Variants in TBC1D8 observed in about 807,000 individuals in gnomAD.
The protein encoded by TBC1D8 is BUB2-like protein 1.
Under a neutral mutation model 118.8 loss-of-function variants are expected in TBC1D8, and 65 were observed. That is an observed-to-expected ratio of 0.55 (90% CI 0.45 to 0.67). TBC1D8 has a LOEUF of 0.67. Among genes scored for constraint, TBC1D8 ranks in the 30% least tolerant of loss-of-function variants. The probability of loss-of-function intolerance (pLI) is 0.00; values close to 1 mark genes in which losing one functional copy is unlikely to be tolerated. For synonymous variants in TBC1D8, 566 were observed against 595.8 expected, an observed-to-expected ratio of 0.95 and a Z score of 0.73; for missense variants, 1,376 against 1,471.2, an observed-to-expected ratio of 0.94 and a Z score of 1.06.
intron 1 of TBC1D8, among the ~76,000 whole-genome samples, chr2:101,109,048 G>C (rs1052281870): frequency 1.3e-5 from 2 of 152,186 alleles, no homozygotes; most frequent in Non-Finnish European, 2.9e-5. Flanking sequence ...GAAGTGTCAA[G>C]GAAAATCAAG....
intron 1 of TBC1D8, among the ~76,000 whole-genome samples, chr2:101,138,695 T>C (rs1678967416): frequency 6.6e-6 from 1 of 152,120 alleles, no homozygotes; most frequent in Non-Finnish European, 1.5e-5. Context: ...CGGGGTGTAC[T>C]GGAGGGGACG....
At chr2:101,016,992 G>A (rs1679696803) in intron 17 of TBC1D8, among the ~76,000 whole-genome samples, 1 of 151,786 alleles carries the variant, frequency 6.6e-6, no homozygotes, top group Non-Finnish European at 1.5e-5. Flanking sequence ...GAGTTAATGG[G>A]TGCAGCACAC....
At chr2:101,018,282 A>T (rs941793111) in intron 17 of TBC1D8, 1 of 197,238 alleles carries the variant, frequency 5.1e-6, no homozygotes, top group Non-Finnish European at 1.0e-5. Flanking sequence ...TTCATATTTT[A>T]TCAGTATGTG....
At position 101,008,137 on chromosome 2, in the gene TBC1D8, C is replaced by T; in HGVS notation, c.3152G>A (p.Ser1051Asn). 1.2e-6 allele frequency: 2 copies of T among 1,613,872 alleles called. No individual in the cohort carries two copies. The highest frequency in any genetic ancestry group is 1.6e-4 in the Middle Eastern group (1 of 6,062). ...ACACTCCTGGGAGCAGCTTCCAGAG[C>T]TGCTGCCTCGCTGCCCCACCTCCCC... is the stretch of plus-strand genomic sequence containing the variant. ...QIGEVGQRGS[S>N]SGSCSQECGE... The change falls in exon 20 of 20, where the codon AGC (serine) becomes AAC (asparagine). Residue 1051 changes from serine (S) to asparagine (N), a missense_variant. By Grantham distance (46) the Ser-to-Asn change is conservative (BLOSUM62 1). Coordinates refer to ENST00000409318, the MANE Select transcript of TBC1D8 (RefSeq NM_001330348.2).
chr2:101,102,536 C>T (rs563545882), intron 1 of TBC1D8, among the ~76,000 whole-genome samples: 1 of 139,422 alleles, frequency 7.2e-6, no homozygotes, highest in Admixed American at 7.5e-5. Flanking sequence ...GGATTAAAAA[C>T]CAAAAAAAAA....
intron 18 of TBC1D8, 90 bp from the exon 19 acceptor site, chr2:101,011,116 G>A: frequency 8.0e-7 from 1 of 1,253,102 alleles, no homozygotes; most frequent in Non-Finnish European, 1.1e-6. Context: ...GAGCAAGGGG[G>A]TGAGGAATTC....
chr2:101,054,298 C>A lies in TBC1D8; in HGVS notation c.441G>T (p.Glu147Asp). ...GGAATTTCTCGGGTTCCTCCTCCTG[C>A]TCGGCGAGCCTGCTGCTGGTCTCCT... is the stretch of plus-strand genomic sequence containing the variant. Reference protein sequence around the residue: ...IAEETSSRLAEQEEEPEKFRE... With the variant: ...IAEETSSRLADQEEEPEKFRE... The change falls in exon 4 of 20, where the codon GAG becomes GAT. Residue 147 changes from glutamate to aspartate, a missense_variant. Physicochemically the swap from Glu to Asp is conservative, Grantham distance 45. Coordinates refer to ENST00000409318, the MANE Select transcript of TBC1D8 (RefSeq NM_001330348.2). 1 of 1,576,634 alleles carries A rather than the reference C, an allele frequency of 6.3e-7. No individual in the cohort carries two copies. The highest frequency in any genetic ancestry group is 8.6e-7 in the Non-Finnish European group (1 of 1,160,666).
intron 19 of TBC1D8, among the ~76,000 whole-genome samples, chr2:101,010,531 A>G (rs574478162): frequency 2.6e-5 from 4 of 152,176 alleles, no homozygotes; most frequent in Non-Finnish European, 5.9e-5. Context: ...ATGTTCCGCT[A>G]CCTGGACTTT....
At chr2:101,010,272 C>T in intron 19 of TBC1D8, among the ~76,000 whole-genome samples, 1 of 152,156 alleles carries the variant, frequency 6.6e-6, no homozygotes, top group East Asian at 1.9e-4. Flanking sequence ...GTGTATCATG[C>T]AGCCAGTGAT....
chr2:101,092,525 TCTTA>T (rs1676109010), intron 1 of TBC1D8, among the ~76,000 whole-genome samples: 1 of 152,224 alleles, frequency 6.6e-6, no homozygotes, highest in African/African-American at 2.4e-5. Flanking sequence ...TTCATTATTC[TCTTA>T]CTTATATCAG....
intron 2 of TBC1D8, among the ~76,000 whole-genome samples, chr2:101,085,836 G>C (rs1441262322): frequency 6.6e-6 from 1 of 152,096 alleles, no homozygotes; most frequent in African/African-American, 2.4e-5. Flanking sequence ...AAAATGAATT[G>C]AGGATCAAAA....
At chr2:101,127,291 C>T (rs913200454) in intron 1 of TBC1D8, among the ~76,000 whole-genome samples, 2 of 151,500 alleles carry the variant, frequency 1.3e-5, no homozygotes, top group Non-Finnish European at 2.9e-5. Context: ...AGCCAAGATC[C>T]CACCACTGCA....
chr2:101,121,728 A>C (rs114558204), intron 1 of TBC1D8, among the ~76,000 whole-genome samples: 1 of 152,232 alleles, frequency 6.6e-6, no homozygotes, highest in Non-Finnish European at 1.5e-5. Context: ...CTATTATTCC[A>C]GTAAGTGAAA....
At chr2:101,072,665 A>G (rs568079129) in intron 2 of TBC1D8, among the ~76,000 whole-genome samples, 108 of 152,246 alleles carry the variant, frequency 7.1e-4, no homozygotes, top group African/African-American at 2.6e-3. Flanking sequence ...TGCACAGTTC[A>G]CAATAGGGGG....
chr2:101,092,258 G>A (rs911591753), intron 1 of TBC1D8, among the ~76,000 whole-genome samples: 1 of 152,174 alleles, frequency 6.6e-6, no homozygotes, highest in African/African-American at 2.4e-5. Context: ...TCTGAGGCCT[G>A]GTCATGATTA....
chr2:101,038,001 G>A (rs1681134263), intron 7 of TBC1D8, among the ~76,000 whole-genome samples: 1 of 152,114 alleles, frequency 6.6e-6, no homozygotes, highest in South Asian at 2.1e-4. Context: ...CAGGAGGACG[G>A]CCACCCTGAG....
chr2:101,057,483 T>C (rs1040579527), intron 3 of TBC1D8, among the ~76,000 whole-genome samples: 7 of 152,254 alleles, frequency 4.6e-5, no homozygotes, highest in Admixed American at 1.3e-4. Context: ...CCCTGTGAGT[T>C]ACTCATCACT....
At chr2:101,130,570 C>T (rs1310384763) in intron 1 of TBC1D8, among the ~76,000 whole-genome samples, 2 of 152,218 alleles carry the variant, frequency 1.3e-5, no homozygotes, top group Non-Finnish European at 2.9e-5. Flanking sequence ...TTTTCAAGGG[C>T]AAGAGCTACA....
chr2:101,027,361 T>G (rs1680397162), intron 15 of TBC1D8, 22 bp downstream of exon 15: 1 of 1,611,144 alleles, frequency 6.2e-7, no homozygotes, highest in South Asian at 1.1e-5. Context: ...CTGGAACCCC[T>G]CATCTTCCCA....
Sources: gnomAD v4.1 joint callset for allele counts (sites outside exome capture counted in the v4.1 genomes callset) on GRCh38, gnomAD v4.1.1 for gene constraint, MANE v1.5 for transcripts, NCBI Gene and HGNC (gene_info 2026-07-23, HGNC 2026-07-21) for gene names.